Variants in YTHDC2 observed in about 807,000 individuals in gnomAD.
The protein encoded by YTHDC2 is YTH N6-methyladenosine RNA binding protein C2, also known as 3'-5' RNA helicase YTHDC2.
YTHDC2 carries 45 observed loss-of-function variants against 174.9 expected under a neutral mutation model. That is an observed-to-expected ratio of 0.26 (90% CI 0.20 to 0.33). The LOEUF is 0.33. YTHDC2 is among the 10% of genes least tolerant of loss of function. The pLI, the probability that YTHDC2 is intolerant of heterozygous loss-of-function variation, is 1.00. For synonymous variants in YTHDC2, 657 were observed against 574.5 expected (o/e 1.14, Z -2.05); for missense variants, 1,650 against 1,723.7 (o/e 0.96, Z 0.76).
chr5:113,567,900 TACCAAATAATGAAA>T, intron 23 of YTHDC2, 51 bp downstream of exon 23: 1 of 1,286,824 alleles, frequency 7.8e-7, no homozygotes, highest in Non-Finnish European at 1.0e-6. Context: ...TTTTTTTTTT[TACCAAATAATGAAA>T]TTATTTTACT....
chr5:113,566,316 A>G (rs981143583), intron 21 of YTHDC2, among the ~76,000 whole-genome samples: 1 of 152,138 alleles, frequency 6.6e-6, no homozygotes, highest in Non-Finnish European at 1.5e-5. Flanking sequence ...TAGATCTTAT[A>G]GTTATTTTCT....
rs540701278 is a variant in YTHDC2, at chr5:113,586,594, A to T, written c.3825+2115A>T. On this transcript the variant is annotated intron_variant, in intron 26 of 29. Coordinates refer to ENST00000161863, the MANE Select transcript of YTHDC2 (RefSeq NM_022828.5). ...AGAAATTTTGTGTACCAAACCCAAG[A>T]TCATAATTTTCTCCTATGTTTTTAG... Among the ~76,000 whole-genome samples the T allele has an allele frequency of 2.6e-5, 4 of 151,612 alleles. No individual in the cohort carries two copies. In the South Asian group the frequency reaches 6.2e-4, roughly 24 times the overall value.
chr5:113,546,592 A>C (rs1208493661), intron 10 of YTHDC2, among the ~76,000 whole-genome samples: 1 of 152,192 alleles, frequency 6.6e-6, no homozygotes, highest in Non-Finnish European at 1.5e-5. Flanking sequence ...ATCAGTTAAG[A>C]CTTGACATTC....
At chr5:113,579,718 A>T in intron 24 of YTHDC2, 23 bp downstream of exon 24, 1 of 1,573,296 alleles carries the variant, frequency 6.4e-7, no homozygotes, top group East Asian at 2.3e-5. Context: ...CAAGTAGTGT[A>T]ATAAATTTCT....
At chr5:113,564,462 A>G (rs1477223114) in intron 20 of YTHDC2, among the ~76,000 whole-genome samples, 1 of 152,202 alleles carries the variant, frequency 6.6e-6, no homozygotes, top group Non-Finnish European at 1.5e-5. Flanking sequence ...GAAATACTGT[A>G]TACTATTTAA....
intron 7 of YTHDC2, among the ~76,000 whole-genome samples, chr5:113,537,043 G>T (rs1561642693): frequency 1.3e-5 from 2 of 152,032 alleles, no homozygotes; most frequent in Non-Finnish European, 2.9e-5. Context: ...GTTGGTTCTA[G>T]ATCCCCCGCC....
rs774215785 is a variant in YTHDC2, at chr5:113,553,187, A to G, written c.1695A>G (p.Thr565=). Residue 565 remains threonine (T), a synonymous_variant, in exon 13 of 30, where the codon ACA becomes ACG. Transcript: ENST00000161863. ...IVDLLESYSA[T]LEFGNLDESS... is the part of the protein sequence containing the mutation. Reference sequence around the variant, plus strand: ...TTTTTTTTTTTTTTTTCAGTGCTACACTGGAATTTGGAAATCTAGATGAAA... The same window carrying G: ...TTTTTTTTTTTTTTTTCAGTGCTACGCTGGAATTTGGAAATCTAGATGAAA... The G allele has an allele frequency of 2.2e-6, 3 of 1,391,264 alleles. No individual in the cohort carries two copies. The highest frequency in any genetic ancestry group is 2.8e-6 in the Non-Finnish European group (3 of 1,067,526). The allele number at this position is 1,391,264 out of a possible 1,614,324, so 86.2% of individuals were successfully genotyped here. A position where few individuals can be genotyped will look rare whatever the true frequency, so the allele number is the denominator to read the frequency against.
At position 113,533,070 on chromosome 5, in the gene YTHDC2, CTCTTT is replaced by C. The variant is rs140144558; in HGVS notation, c.842+27_842+31del. ...GGTAAAAACAGTTCTCATGTATCTT[CTCTTT>C]TATCATGCTTAAAAAAGACTATGTA... On this transcript the variant is annotated intron_variant, in intron 5 of 29. Coordinates refer to ENST00000161863, the MANE Select transcript of YTHDC2 (RefSeq NM_022828.5). 2.2e-3 allele frequency: 3,488 copies of C among 1,610,776 alleles called. 70 individuals carry two copies. In the African/African-American group the frequency reaches 0.042, roughly 19 times the overall value.
intron 26 of YTHDC2, among the ~76,000 whole-genome samples, chr5:113,589,006 G>A (rs1210984747): frequency 1.3e-5 from 2 of 152,114 alleles, no homozygotes; most frequent in East Asian, 1.9e-4. Flanking sequence ...ATGCTATAAT[G>A]TATTGTTTTT....
intron 1 of YTHDC2, 45 bp downstream of exon 1, chr5:113,514,127 C>A: frequency 1.3e-6 from 2 of 1,574,780 alleles, no homozygotes; most frequent in Non-Finnish European, 1.7e-6. Context: ...GGATACCCCC[C>A]TCACCCCAGC....
Position 113,590,187 on chromosome 5 carries a change from A to G in YTHDC2, c.3826-854A>G, listed in dbSNP as rs550664932. On this transcript the variant is annotated intron_variant, in intron 26 of 29. Coordinates refer to ENST00000161863, the MANE Select transcript of YTHDC2 (RefSeq NM_022828.5). ...TTTTGTTGGGCAGCTAGGTTTTTGT[A>G]TATTCCTTTCAATAGCGTTAGACTT... 5.6e-4 allele frequency among the ~76,000 whole-genome samples: 85 copies of G among 152,318 alleles called. 1 individual carries two copies. The South Asian group carries it at 0.017, about 31-fold the overall frequency.
rs1290832549 is a variant in YTHDC2, at chr5:113,542,388, C to T, written c.1380C>T (p.Cys460=). 6.2e-7 allele frequency: 1 copy of T among 1,609,934 alleles called. No individual in the cohort carries two copies. The highest frequency in any genetic ancestry group is 1.1e-5 in the South Asian group (1 of 89,464). Residue 460 remains cysteine (C), a synonymous_variant, in exon 10 of 30, where the codon TGC becomes TGT. Coordinates refer to ENST00000161863, the MANE Select transcript of YTHDC2 (RefSeq NM_022828.5). ...TGTAGACTGAAAAAGATGTGAATTG[C>T]CTTGAACCATGGTTAATAAAGGAAA... ...FSQLTEKDVN[C]LEPWLIKEMD... is the part of the protein sequence containing the mutation.
intron 26 of YTHDC2, among the ~76,000 whole-genome samples, chr5:113,589,116 A>C (rs928022205): frequency 1.3e-5 from 2 of 151,960 alleles, no homozygotes; most frequent in Admixed American, 6.6e-5. Flanking sequence ...CTTTTATGTT[A>C]ATACGAATGT....
At chr5:113,583,164 A>C (rs934175333) in intron 25 of YTHDC2, 3 of 152,158 alleles carry the variant, frequency 2.0e-5, no homozygotes, top group African/African-American at 7.2e-5. Context: ...CAATAATTTG[A>C]GACAACTGAG....
intron 10 of YTHDC2, among the ~76,000 whole-genome samples, chr5:113,543,990 T>G (rs1379717736): frequency 6.6e-6 from 1 of 152,226 alleles, no homozygotes; most frequent in Admixed American, 6.5e-5. Context: ...TTATTGTACT[T>G]TCATTACCTG....
rs773141015 is a variant in YTHDC2, at chr5:113,526,655, G to A, written c.545G>A (p.Gly182Glu). Residue 182 changes from glycine (G) to glutamate (E), a missense_variant, in exon 4 of 30, where the codon GGA (glycine) becomes GAA (glutamate). Physicochemically the swap from Gly to Glu is moderately conservative, Grantham distance 98 (BLOSUM62 -2). Coordinates refer to ENST00000161863, the MANE Select transcript of YTHDC2 (RefSeq NM_022828.5). Reference sequence around the variant, plus strand: ...ATACCTCAGATTCCAGTGAAAAGAGGAGAATCCGAATTTGATTCTTTTAGG... The same window carrying A: ...ATACCTCAGATTCCAGTGAAAAGAGAAGAATCCGAATTTGATTCTTTTAGG... ...NGIPQIPVKR[G>E]ESEFDSFRQS... 34 of 1,606,312 alleles carry A rather than the reference G, an allele frequency of 2.1e-5. No individual in the cohort carries two copies. Among genetic ancestry groups the A allele is most frequent in the Non-Finnish European group, 2.7e-5 (32 of 1,175,898 alleles).
At chr5:113,524,867 AG>A in intron 2 of YTHDC2, 113 bp from the exon 3 acceptor site, 2 of 795,656 alleles carry the variant, frequency 2.5e-6, no homozygotes, top group Non-Finnish European at 3.7e-6. Flanking sequence ...CTTCTCCCAA[AG>A]CATTTTGATT....
At chr5:113,580,655 C>A (rs974156943) in intron 24 of YTHDC2, among the ~76,000 whole-genome samples, 1 of 152,146 alleles carries the variant, frequency 6.6e-6, no homozygotes, top group East Asian at 1.9e-4. Context: ...ACTGTACTTG[C>A]CAAGGTCAAC....
At position 113,542,423 on chromosome 5, in the gene YTHDC2, G is replaced by C. The variant is rs762561694; in HGVS notation, c.1415G>C (p.Cys472Ser). 6.2e-7 allele frequency: 1 copy of C among 1,612,686 alleles called. No individual in the cohort carries two copies. The change falls in exon 10 of 30, where the codon TGC becomes TCC. Residue 472 changes from cysteine (C) to serine (S), a missense_variant. By Grantham distance (112) the Cys-to-Ser change is moderately radical (BLOSUM62 -1). Transcript: ENST00000161863. ...TGGTTAATAAAGGAAATGGATGCTTGCCTTTCTGATATATGGCTACATAAA... is the reference window on the plus strand; with the variant it reads ...TGGTTAATAAAGGAAATGGATGCTTCCCTTTCTGATATATGGCTACATAAA... The part of the protein sequence containing the change: ...EPWLIKEMDA[C>S]LSDIWLHKDI...
Sources: gnomAD v4.1 joint callset for allele counts (sites outside exome capture counted in the v4.1 genomes callset) on GRCh38, gnomAD v4.1.1 for gene constraint, MANE v1.5 for transcripts, NCBI Gene and HGNC (gene_info 2026-07-23, HGNC 2026-07-21) for gene names.